Variants in ARHGEF18 observed in about 807,000 individuals in gnomAD.
ARHGEF18 encodes the protein Rho/Rac guanine nucleotide exchange factor 18.
In ARHGEF18, 93 loss-of-function variants were observed where a neutral mutation model predicts 155.7. The ratio of observed to expected loss-of-function variants is 0.60; its 90% CI spans 0.50 to 0.71. The LOEUF is 0.71. Ranked by LOEUF, ARHGEF18 falls within the 30% of genes least tolerant of loss-of-function variation. The pLI is 0.00. For synonymous variants in ARHGEF18, 742 were observed against 753.1 expected (o/e 0.99, Z 0.24); for missense variants, 1,593 against 1,816.1 (o/e 0.88, Z 2.23).
At chr19:7,429,816 G>T (rs1229485316) in intron 10 of ARHGEF18, among the ~76,000 whole-genome samples, 1 of 152,116 alleles carries the variant, frequency 6.6e-6, no homozygotes, top group Non-Finnish European at 1.5e-5. Context: ...CACGGAGAGG[G>T]TGCTGTCTCC....
chr19:7,352,938 G>A (rs1164936882), intron 1 of ARHGEF18, among the ~76,000 whole-genome samples: 4 of 138,660 alleles, frequency 2.9e-5, no homozygotes, highest in East Asian at 4.6e-4. Context: ...CCAGGTTCAA[G>A]CGATTCTCCT....
intron 2 of ARHGEF18, among the ~76,000 whole-genome samples, chr19:7,364,445 T>G (rs1969799031): frequency 6.6e-6 from 1 of 150,698 alleles, no homozygotes; most frequent in Admixed American, 6.6e-5. Context: ...AAAGGTAGAC[T>G]GACTTGCCTA....
chr19:7,422,103 C>T (rs1404774701), intron 10 of ARHGEF18, among the ~76,000 whole-genome samples: 1 of 152,140 alleles, frequency 6.6e-6, no homozygotes, highest in Non-Finnish European at 1.5e-5. Flanking sequence ...ACTCAGGCTG[C>T]CAAACTGGTT....
chr19:7,458,535 G>A lies in ARHGEF18; in HGVS notation c.2205G>A (p.Ser735=), dbSNP rs372167652. Residue 735 remains serine (S), a synonymous_variant, in exon 19 of 29, where the codon TCG becomes TCA. Transcript: ENST00000668164. ...ASVDSKPPVI[S]LQKLIVREVA... ...AGGACTCAAAGCCACCCGTCATCTC[G>A]TTACAAAAGCTCATCGTGAGGGAAG... is the stretch of plus-strand genomic sequence containing the variant. 9 of 1,613,868 alleles carry A rather than the reference G, an allele frequency of 5.6e-6. No homozygotes were observed. The highest frequency in any genetic ancestry group is 7.6e-6 in the Non-Finnish European group (9 of 1,179,968).
chr19:7,372,438 C>A (rs10420383), intron 2 of ARHGEF18, among the ~76,000 whole-genome samples: 29,641 of 147,196 alleles, frequency 0.2, 6,676 homozygotes, highest in African/African-American at 0.55. Flanking sequence ...AAGGGAAGGA[C>A]AAAGAAATAG....
chr19:7,435,199 C>CA (rs572479060), intron 10 of ARHGEF18, among the ~76,000 whole-genome samples: 1,637 of 143,352 alleles, frequency 0.011, 23 homozygotes, highest in African/African-American at 0.038. Flanking sequence ...GACTCCATCT[C>CA]AAAAAAAAAA....
At chr19:7,375,685 C>G in intron 3 of ARHGEF18, 35 bp from the exon 4 acceptor site, 2 of 1,233,928 alleles carry the variant, frequency 1.6e-6, no homozygotes, top group Non-Finnish European at 2.0e-6. Context: ...TGGGCAAGAC[C>G]TGCTGAAGCC....
At position 7,442,116 on chromosome 19, in the gene ARHGEF18, TCCTCCCTC is replaced by T. The variant is rs770372414; in HGVS notation, c.1360+68_1360+75del. 5.2e-6 allele frequency: 8 copies of T among 1,530,182 alleles called. No individual in the cohort carries two copies. The African/African-American group carries it at 8.7e-5, about 17-fold the overall frequency. 94.8% of individuals were successfully genotyped at this position (1,530,182 alleles called of 1,614,324 possible). A position where few individuals can be genotyped will look rare whatever the true frequency, so the allele number is the denominator to read the frequency against. On this transcript the variant is annotated intron_variant, in intron 13 of 28. Transcript: ENST00000668164. ...CCACTCTCTTCTCTGCTCCCTCCCT[TCCTCCCTC>T]CCTTCCTTCCTTCCTTCCTTCCTTC...
chr19:7,361,826 C>G (rs1969560343), intron 1 of ARHGEF18, among the ~76,000 whole-genome samples: 1 of 151,760 alleles, frequency 6.6e-6, no homozygotes, highest in Non-Finnish European at 1.5e-5. Flanking sequence ...AACCCCAACT[C>G]TATTAATCAC....
At chr19:7,376,001 T>G (rs1217559222) in intron 4 of ARHGEF18, 131 bp downstream of exon 4, 5 of 1,051,558 alleles carry the variant, frequency 4.8e-6, no homozygotes, top group Non-Finnish European at 6.1e-6. Flanking sequence ...AGGCTGCTTA[T>G]CTGTGGTGTG....
At chr19:7,356,938 G>T (rs570329879) in intron 1 of ARHGEF18, among the ~76,000 whole-genome samples, 2 of 152,292 alleles carry the variant, frequency 1.3e-5, no homozygotes, top group African/African-American at 4.8e-5. Context: ...GCACTGTGCC[G>T]GGGTCAGGGA....
In ARHGEF18 at chr19:7,424,025, CTTAT is replaced by C. The variant is rs201294833; in HGVS notation, c.968-16308_968-16305del. ...CACTTTGAGGTTTTTATGTTATTTA[CTTAT>C]TTATTTATTTCTGAGATGGAGTTTT... is the stretch of plus-strand genomic sequence containing the variant. On this transcript the variant is annotated intron_variant, in intron 10 of 28. Transcript: ENST00000668164. 5.2e-3 allele frequency among the ~76,000 whole-genome samples: 781 copies of C among 151,646 alleles called. 11 individuals are homozygous for C. The highest frequency in any genetic ancestry group is 0.018 in the African/African-American group (760 of 41,376).
At chr19:7,354,971 C>T (rs554101625) in intron 1 of ARHGEF18, among the ~76,000 whole-genome samples, 10 of 151,894 alleles carry the variant, frequency 6.6e-5, no homozygotes, top group East Asian at 1.9e-4. Flanking sequence ...GAAACCCAGG[C>T]GGACACCAAA....
At chr19:7,350,767 GGTGTGTGTGTGT>G (rs71177199) in intron 1 of ARHGEF18, among the ~76,000 whole-genome samples, 90 of 19,492 alleles carry the variant, frequency 4.6e-3, no homozygotes, top group Admixed American at 0.012. Context: ...TTTTGGGGTG[GGTGTGTGTGTGT>G]GTGTGTGTGT....
In ARHGEF18 at chr19:7,352,634, C is replaced by T. The variant is rs546233121; in HGVS notation, c.-111+3393C>T. Among the ~76,000 whole-genome samples the T allele has an allele frequency of 1.7e-3, 249 of 142,824 alleles. 1 individual carries two copies. The highest frequency in any genetic ancestry group is 2.8e-3 in the Non-Finnish European group (185 of 66,432). The allele number at this position is 142,824 out of a possible 152,430, so 93.7% of individuals were successfully genotyped here. A position where few individuals can be genotyped will look rare whatever the true frequency, so the allele number is the denominator to read the frequency against. On this transcript the variant is annotated intron_variant, in intron 1 of 28. Transcript: ENST00000668164. ...CTGCAAGCTCCACCTCCCAGGTTCA[C>T]GCCATTCTCCTGCCTCAGCCTCCCG...
rs1969628816 is a variant in ARHGEF18, at chr19:7,362,128, AAGG to A, written c.-110-650_-110-648del. Among the ~76,000 whole-genome samples the A allele has an allele frequency of 3.4e-4, 11 of 31,888 alleles. 2 individuals are homozygous for A. The highest frequency in any genetic ancestry group is 2.7e-3 in the African/African-American group (10 of 3,652). The allele number at this position is 31,888 out of a possible 152,430, so 20.9% of individuals were successfully genotyped here. A position where few individuals can be genotyped will look rare whatever the true frequency, so the allele number is the denominator to read the frequency against. On this transcript the variant is annotated intron_variant, in intron 1 of 28. Coordinates refer to ENST00000668164, the MANE Select transcript of ARHGEF18 (RefSeq NM_001367823.1). The stretch of plus-strand genomic sequence containing the variant: ...GAAGGAGAAGGAGAAGGAGAAGGAG[AAGG>A]AGAAGGAGAAGGAGAAGGAGAAGGA...
chr19:7,364,036 T>C (rs567179195), intron 2 of ARHGEF18, among the ~76,000 whole-genome samples: 971 of 46,280 alleles, frequency 0.021, 14 homozygotes, highest in African/African-American at 0.035. Flanking sequence ...GGAAGGAGGA[T>C]GGATAAATGA....
chr19:7,453,176 G>A (rs1477949884), intron 16 of ARHGEF18, among the ~76,000 whole-genome samples: 5 of 152,012 alleles, frequency 3.3e-5, no homozygotes, highest in Admixed American at 3.3e-4. Flanking sequence ...TAGCCTGGGT[G>A]ACAGAGCCAG....
intron 10 of ARHGEF18, among the ~76,000 whole-genome samples, chr19:7,388,006 A>G (rs1269488249): frequency 6.6e-6 from 1 of 151,992 alleles, no homozygotes; most frequent in Non-Finnish European, 1.5e-5. Flanking sequence ...TTGCAGCATT[A>G]CAAAGCAAGT....
Sources: allele counts gnomAD v4.1 joint callset (sites outside exome capture counted in the v4.1 genomes callset), GRCh38; gene constraint gnomAD v4.1.1; transcripts MANE v1.5; gene names NCBI Gene and HGNC (gene_info 2026-07-23, HGNC 2026-07-21).